POTEB2: variants seen among roughly 807,000 people sequenced by gnomAD.
The protein encoded by POTEB2 is POTE ankyrin domain family, member B2.
POTEB2 carries 1 observed loss-of-function variant against 1.8 expected under a neutral mutation model. That is an observed-to-expected ratio of 0.55 (90% CI 0.20 to 2.62). The LOEUF (loss-of-function observed/expected upper bound fraction) is 2.62, where lower values mean the gene tolerates loss of function less well. Ranked by LOEUF, POTEB2 falls within the 30% of genes most tolerant of loss-of-function variation. The pLI is 0.24.
intron 3 of POTEB2, among the ~76,000 whole-genome samples, chr15:20,860,358 C>G (rs1283122989): frequency 6.9e-5 from 2 of 28,840 alleles, no homozygotes; most frequent in Non-Finnish European, 1.1e-4. Context: ...GAAAAGAACC[C>G]TGTCTCACCA....
At chr15:20,839,099 C>T (rs1889404315) in intron 9 of POTEB2, among the ~76,000 whole-genome samples, 1 of 35,396 alleles carries the variant, frequency 2.8e-5, no homozygotes, top group Non-Finnish European at 4.5e-5. Flanking sequence ...CTATCTCTCA[C>T]CATGTAAAAA....
rs1195187918 is a variant in POTEB2 at position 20,860,460 on chromosome 15, C to CA, written c.699+581dup. 1.2e-4 allele frequency among the ~76,000 whole-genome samples: 4 copies of CA among 34,016 alleles called. 1 individual carries two copies. The highest frequency in any genetic ancestry group is 2.1e-4 in the Non-Finnish European group (4 of 19,468). The allele number at this position is 34,016 out of a possible 152,430, so 22.3% of individuals were successfully genotyped here. ...ACACAAACAAAAACAAAAACAAAAACAAAAAAAAACCTCTTCATGGTCTTT... is the reference window on the plus strand; with the variant it reads ...ACACAAACAAAAACAAAAACAAAAACAAAAAAAAAACCTCTTCATGGTCTTT... On this transcript the variant is annotated intron_variant, in intron 3 of 10. Coordinates refer to ENST00000454856, the MANE Select transcript of POTEB2 (RefSeq NM_001277303.1).
In POTEB2 at chr15:20,858,094, AAAAG is replaced by A; in HGVS notation, c.806+13_806+16del. The A allele has an allele frequency of 2.4e-5, 4 of 167,836 alleles. 2 individuals carry two copies. The highest frequency in any genetic ancestry group is 3.1e-5 in the Non-Finnish European group (4 of 128,632). The allele number at this position is 167,836 out of a possible 1,614,324, so 10.4% of individuals were successfully genotyped here. On this transcript the variant is annotated intron_variant, in intron 4 of 10. Transcript: ENST00000454856. ...ATCAATCTAGAACAACACACAGATT[AAAAG>A]AAATAACCATACCTTCCATATCTAT...
intron 9 of POTEB2, among the ~76,000 whole-genome samples, chr15:20,843,505 A>C (rs567341339): frequency 2.0e-4 from 9 of 45,734 alleles, no homozygotes; most frequent in Non-Finnish European, 3.6e-4. Context: ...CCATTGGCTC[A>C]AATATTGCTG....
intron 3 of POTEB2, among the ~76,000 whole-genome samples, chr15:20,860,402 AACAC>A (rs377606137): frequency 0.024 from 1,034 of 42,310 alleles, 175 homozygotes; most frequent in Non-Finnish European, 0.031. Context: ...CAACAATAAC[AACAC>A]ACACACACAC....
intron 3 of POTEB2, among the ~76,000 whole-genome samples, chr15:20,860,435 AC>A (rs1455604921): frequency 2.6e-4 from 12 of 45,756 alleles, no homozygotes; most frequent in East Asian, 8.9e-4. Context: ...ACACACACAC[AC>A]ACAAACAAAA....
At chr15:20,839,175 T>C (rs1889406912) in intron 9 of POTEB2, among the ~76,000 whole-genome samples, 1 of 102,940 alleles carries the variant, frequency 9.7e-6, no homozygotes, top group African/African-American at 4.5e-5. Context: ...GCAAATAATT[T>C]ATGATGAGGA....
chr15:20,852,348 G>T (rs974787530), intron 6 of POTEB2, among the ~76,000 whole-genome samples: 7 of 13,952 alleles, frequency 5.0e-4, no homozygotes, highest in African/African-American at 7.8e-4. Flanking sequence ...ATGGCCCACA[G>T]GGTAAGACCT....
At chr15:20,836,384 T>TACAC (rs746016487) in intron 10 of POTEB2, among the ~76,000 whole-genome samples, 3,141 of 53,796 alleles carry the variant, frequency 0.058, 39 homozygotes, top group African/African-American at 0.094. Context: ...CCATCTAGAA[T>TACAC]ACACACACAC....
chr15:20,836,341 A>T (rs1398469824), intron 10 of POTEB2, among the ~76,000 whole-genome samples: 1 of 59,392 alleles, frequency 1.7e-5, no homozygotes, highest in African/African-American at 6.4e-5. Flanking sequence ...AGTTTGTGCC[A>T]TTGCACTCCA....
chr15:20,860,410 C>G (rs1889665485), intron 3 of POTEB2, among the ~76,000 whole-genome samples: 1 of 46,724 alleles, frequency 2.1e-5, no homozygotes, highest in Non-Finnish European at 3.8e-5. Flanking sequence ...ACAACACACA[C>G]ACACACACAC....
chr15:20,860,438 C>CACACAA, intron 3 of POTEB2, among the ~76,000 whole-genome samples: 1 of 41,692 alleles, frequency 2.4e-5, no homozygotes, highest in Middle Eastern at 9.8e-3. Flanking sequence ...CACACACACA[C>CACACAA]AAACAAAAAC....
intron 3 of POTEB2, among the ~76,000 whole-genome samples, chr15:20,860,409 A>ACC (rs1889665561): frequency 6.5e-5 from 3 of 46,490 alleles, no homozygotes; most frequent in African/African-American, 3.6e-4. Flanking sequence ...AACAACACAC[A>ACC]CACACACACA....
At chr15:20,837,955 ACTT>A (rs1889387588) in intron 9 of POTEB2, among the ~76,000 whole-genome samples, 1 of 53,206 alleles carries the variant, frequency 1.9e-5, no homozygotes, top group Non-Finnish European at 3.7e-5. Context: ...TCTACCACTA[ACTT>A]CTTGCTGTGT....
chr15:20,839,165 G>A (rs1889406524), intron 9 of POTEB2, among the ~76,000 whole-genome samples: 1 of 95,274 alleles, frequency 1.0e-5, no homozygotes, highest in Non-Finnish European at 2.0e-5. Flanking sequence ...ATTAGCCTAG[G>A]CAAATAATTT....
chr15:20,843,311 GA>G (rs1183300600), intron 9 of POTEB2, among the ~76,000 whole-genome samples: 1 of 27,358 alleles, frequency 3.7e-5, no homozygotes, highest in Non-Finnish European at 6.9e-5. Flanking sequence ...AAAAGAAAAA[GA>G]AAAAGTCACG....
chr15:20,836,384 T>TACACACACACAC (rs746016487), intron 10 of POTEB2, among the ~76,000 whole-genome samples: 12 of 55,758 alleles, frequency 2.2e-4, no homozygotes, highest in African/African-American at 6.3e-4. Flanking sequence ...CCATCTAGAA[T>TACACACACACAC]ACACACACAC....
intron 9 of POTEB2, among the ~76,000 whole-genome samples, chr15:20,839,240 T>G (rs1401063278): frequency 1.7e-5 from 2 of 118,198 alleles, no homozygotes; most frequent in East Asian, 2.8e-4. Flanking sequence ...AATAAATAAA[T>G]AAAGACCTAA....
intron 9 of POTEB2, among the ~76,000 whole-genome samples, chr15:20,844,680 AC>A (rs1239306452): frequency 3.6e-5 from 1 of 28,018 alleles, no homozygotes; most frequent in Non-Finnish European, 6.4e-5. Flanking sequence ...TAAAAGTTTT[AC>A]CCAATATACT....
Sources: gnomAD v4.1 joint callset for allele counts (sites outside exome capture counted in the v4.1 genomes callset) on GRCh38, gnomAD v4.1.1 for gene constraint, MANE v1.5 for transcripts, NCBI Gene and HGNC (gene_info 2026-07-23, HGNC 2026-07-21) for gene names.